ASAP1: variants seen among roughly 807,000 people sequenced by gnomAD.
ASAP1 encodes arf-GAP with SH3 domain, ANK repeat and PH domain-containing protein 1.
A neutral mutation model predicts 145.2 loss-of-function variants in ASAP1; 43 were observed. That is an observed-to-expected ratio of 0.30 (90% confidence interval 0.23 to 0.38). The LOEUF is 0.38. ASAP1 is among the 10% of genes least tolerant of loss of function. The pLI is 1.00. For synonymous variants in ASAP1, 546 were observed against 515.5 expected (o/e 1.06, Z -0.80); for missense variants, 1,018 against 1,355.3 (o/e 0.75, Z 3.91).
At chr8:130,401,403 A>G (rs891322730) in intron 2 of ASAP1, among the ~76,000 whole-genome samples, 1 of 151,928 alleles carries the variant, frequency 6.6e-6, no homozygotes, top group African/African-American at 2.4e-5. Flanking sequence ...ATGCTACCAC[A>G]CCCAGCTAAT....
At chr8:130,123,658 G>A (rs143315116) in intron 18 of ASAP1, among the ~76,000 whole-genome samples, 1,670 of 152,176 alleles carry the variant, frequency 0.011, 28 homozygotes, top group African/African-American at 0.038. Context: ...ATGGGGTCTC[G>A]CACTGTTGCC....
At chr8:130,354,436 T>C (rs911933396) in intron 3 of ASAP1, among the ~76,000 whole-genome samples, 1 of 152,154 alleles carries the variant, frequency 6.6e-6, no homozygotes, top group East Asian at 1.9e-4. Flanking sequence ...AATTAAAATG[T>C]GGCCCAATAT....
chr8:130,281,376 A>G (rs1457919859), intron 3 of ASAP1, among the ~76,000 whole-genome samples: 2 of 152,206 alleles, frequency 1.3e-5, no homozygotes, highest in Non-Finnish European at 2.9e-5. Flanking sequence ...TTTTGTCCAT[A>G]AAGACTGACA....
intron 23 of ASAP1, among the ~76,000 whole-genome samples, chr8:130,113,772 T>C (rs2097550332): frequency 6.6e-6 from 1 of 151,806 alleles, no homozygotes; most frequent in East Asian, 1.9e-4. Context: ...GTCCCTTATG[T>C]ACTTTTTTTT....
chr8:130,427,239 T>A (rs1829953982), intron 1 of ASAP1, among the ~76,000 whole-genome samples: 1 of 152,152 alleles, frequency 6.6e-6, no homozygotes, highest in Non-Finnish European at 1.5e-5. Flanking sequence ...CAATGGGGAC[T>A]TCATGGTTAT....
intron 9 of ASAP1, among the ~76,000 whole-genome samples, chr8:130,176,979 C>T (rs1043372411): frequency 3.9e-5 from 6 of 152,098 alleles, no homozygotes; most frequent in African/African-American, 1.2e-4. Context: ...CGTGAGCCAC[C>T]GCGCCCAGCC....
At chr8:130,082,036 C>T (rs1038638078) in intron 25 of ASAP1, among the ~76,000 whole-genome samples, 1 of 152,210 alleles carries the variant, frequency 6.6e-6, no homozygotes, top group Non-Finnish European at 1.5e-5. Flanking sequence ...CAGCCCTCTT[C>T]CAGGGTCTGT....
intron 3 of ASAP1, among the ~76,000 whole-genome samples, chr8:130,303,605 A>C (rs1191482650): frequency 6.6e-6 from 1 of 152,184 alleles, no homozygotes; most frequent in African/African-American, 2.4e-5. Flanking sequence ...TGACCTATCA[A>C]GCTGGGAAAA....
At chr8:130,339,896 C>T (rs1019974242) in intron 3 of ASAP1, among the ~76,000 whole-genome samples, 1 of 152,178 alleles carries the variant, frequency 6.6e-6, no homozygotes, top group Non-Finnish European at 1.5e-5. Context: ...CCCTTTCCCT[C>T]TTGGTCAGTC....
intron 11 of ASAP1, chr8:130,160,653 A>T: frequency 4.6e-6 from 2 of 430,634 alleles, no homozygotes; most frequent in Non-Finnish European, 7.8e-6. Flanking sequence ...TCTAAGGACT[A>T]CATGACTAGA....
chr8:130,265,574 A>T (rs1385933424), intron 3 of ASAP1, among the ~76,000 whole-genome samples: 4 of 122,732 alleles, frequency 3.3e-5, no homozygotes, highest in Admixed American at 9.0e-5. Context: ...CCCTGTCTTT[A>T]AAAAAAAAAA....
intron 24 of ASAP1, among the ~76,000 whole-genome samples, chr8:130,101,132 G>A (rs1490384361): frequency 6.6e-6 from 1 of 152,076 alleles, no homozygotes; most frequent in Non-Finnish European, 1.5e-5. Context: ...CTGTTCCACT[G>A]GTCTATGCAT....
chr8:130,431,504 T>C (rs1830133631), intron 1 of ASAP1, among the ~76,000 whole-genome samples: 1 of 152,252 alleles, frequency 6.6e-6, no homozygotes, highest in African/African-American at 2.4e-5. Context: ...TGAGGCTCCC[T>C]ACACCTAGAA....
chr8:130,256,763 ATATATATATATATATATATCCT>A (rs1389138172), intron 3 of ASAP1, among the ~76,000 whole-genome samples: 28 of 117,644 alleles, frequency 2.4e-4, no homozygotes, highest in Non-Finnish European at 4.4e-4. Flanking sequence ...ATATATATAT[ATATATATATATATATATATCCT>A]TATATATATA....
intron 5 of ASAP1, among the ~76,000 whole-genome samples, chr8:130,206,329 C>A (rs572707815): frequency 2.0e-5 from 3 of 152,066 alleles, no homozygotes; most frequent in Admixed American, 2.0e-4. Flanking sequence ...TTAGGCACAT[C>A]CATGCTCTCC....
At chr8:130,203,098 A>C (rs574733347) in intron 5 of ASAP1, among the ~76,000 whole-genome samples, 170 of 152,304 alleles carry the variant, frequency 1.1e-3, no homozygotes, top group South Asian at 2.7e-3. Context: ...TTAAAAAAAA[A>C]ACACACACAA....
intron 3 of ASAP1, among the ~76,000 whole-genome samples, chr8:130,335,149 C>T (rs766699935): frequency 1.3e-5 from 2 of 152,216 alleles, no homozygotes; most frequent in African/African-American, 2.4e-5. Context: ...TTCCCTACCA[C>T]AAGCACTTAC....
chr8:130,267,192 G>A (rs1300472549), intron 3 of ASAP1, among the ~76,000 whole-genome samples: 2 of 150,932 alleles, frequency 1.3e-5, no homozygotes, highest in Non-Finnish European at 2.9e-5. Flanking sequence ...CACTCCAGTT[G>A]GGGAAATCCT....
chr8:130,090,533 C>T (rs1735447402), intron 25 of ASAP1, among the ~76,000 whole-genome samples: 1 of 152,184 alleles, frequency 6.6e-6, no homozygotes, highest in African/African-American at 2.4e-5. Context: ...TAACACCAAA[C>T]TCCAATGTCT....
Sources: gnomAD v4.1 joint callset for allele counts (sites outside exome capture counted in the v4.1 genomes callset) on GRCh38, gnomAD v4.1.1 for gene constraint, MANE v1.5 for transcripts, NCBI Gene and HGNC (gene_info 2026-07-23, HGNC 2026-07-21) for gene names.